Variants in SORCS3 observed in about 807,000 individuals in gnomAD.
SORCS3 encodes VPS10 domain-containing receptor SorCS3.
A neutral mutation model predicts 146.3 loss-of-function variants in SORCS3; 57 were observed. That is an observed-to-expected ratio of 0.39 (90% confidence interval 0.31 to 0.49). The LOEUF (loss-of-function observed/expected upper bound fraction) is 0.49, where lower values mean the gene tolerates loss of function less well. Among genes scored for constraint, SORCS3 ranks in the 20% least tolerant of loss-of-function variants. The pLI, the probability that SORCS3 is intolerant of heterozygous loss-of-function variation, is 0.92. For missense variants in SORCS3, 1,341 were observed against 1,575.5 expected, an observed-to-expected ratio of 0.85 and a Z score of 2.52; for synonymous variants, 653 against 618.5, an observed-to-expected ratio of 1.06 and a Z score of -0.83.
rs11340368 is a variant in SORCS3, at chr10:105,182,230, C to CTTTTTTTTTTTTTTTTTTTTT, written c.2009+4060_2009+4080dup. On this transcript the variant is annotated intron_variant, in intron 14 of 26. Transcript: ENST00000369701. ...CAGCCAACTTGTGACTATTCAGCAT[C>CTTTTTTTTTTTTTTTTTTTTT]TTTTTTTTTTTTTTTTTTTTTTTGT... is the stretch of plus-strand genomic sequence containing the variant. 9.6e-4 allele frequency among the ~76,000 whole-genome samples: 68 copies of CTTTTTTTTTTTTTTTTTTTTT among 70,470 alleles called. 6 individuals are homozygous for CTTTTTTTTTTTTTTTTTTTTT. The highest frequency in any genetic ancestry group is 1.7e-3 in the Admixed American group (9 of 5,218). The allele number at this position is 70,470 out of a possible 152,430, so 46.2% of individuals were successfully genotyped here. A position where few individuals can be genotyped will look rare whatever the true frequency, so the allele number is the denominator to read the frequency against.
chr10:105,209,604 A>G (rs2056622440), intron 16 of SORCS3, among the ~76,000 whole-genome samples: 1 of 152,200 alleles, frequency 6.6e-6, no homozygotes, highest in Non-Finnish European at 1.5e-5. Context: ...ATAGTTACCA[A>G]CAGGTTATGA....
At position 105,242,336 on chromosome 10, in the gene SORCS3, A is replaced by ATATATATATTTATACATATATT. The variant is rs1272627760; in HGVS notation, c.2869-3169_2869-3148dup. On this transcript the variant is annotated intron_variant, in intron 20 of 26. Coordinates refer to ENST00000369701, the MANE Select transcript of SORCS3 (RefSeq NM_014978.3). ...TATATATATATTTATACATATATTT[A>ATATATATATTTATACATATATT]TATATATATTTATACATATATTTAT... 2.7e-4 allele frequency among the ~76,000 whole-genome samples: 35 copies of ATATATATATTTATACATATATT among 127,936 alleles called. 1 individual carries two copies. The South Asian group carries it at 6.8e-3, about 25-fold the overall frequency. The allele number at this position is 127,936 out of a possible 152,430, so 83.9% of individuals were successfully genotyped here.
chr10:104,994,218 A>G (rs1282192977), intron 4 of SORCS3, among the ~76,000 whole-genome samples: 2 of 152,190 alleles, frequency 1.3e-5, no homozygotes, highest in African/African-American at 2.4e-5. Flanking sequence ...CAAATAAGTA[A>G]CTGATGGCAA....
intron 3 of SORCS3, among the ~76,000 whole-genome samples, chr10:104,961,134 G>T (rs923297183): frequency 1.3e-5 from 2 of 152,106 alleles, no homozygotes; most frequent in African/African-American, 4.8e-5. Context: ...TTTAGGCTTT[G>T]GAACAGTGAT....
intron 3 of SORCS3, among the ~76,000 whole-genome samples, chr10:104,975,510 CA>C (rs2054890285): frequency 6.6e-6 from 1 of 152,102 alleles, no homozygotes; most frequent in Non-Finnish European, 1.5e-5. Context: ...GAGTCAATGC[CA>C]TCCCCATCAA....
chr10:104,915,781 C>T (rs2019020501), intron 2 of SORCS3, 52 bp from the exon 3 acceptor site: 1 of 1,494,658 alleles, frequency 6.7e-7, no homozygotes, highest in East Asian at 2.3e-5. Flanking sequence ...TTAGACATAG[C>T]TGCCCATTGG....
chr10:104,672,995 T>TATATTGTC (rs1352064241), intron 1 of SORCS3, among the ~76,000 whole-genome samples: 1 of 152,202 alleles, frequency 6.6e-6, no homozygotes, highest in African/African-American at 2.4e-5. Context: ...TTTATTAATG[T>TATATTGTC]ATATTGTCCT....
At chr10:104,775,253 T>C (rs1484009417) in intron 1 of SORCS3, among the ~76,000 whole-genome samples, 1 of 152,234 alleles carries the variant, frequency 6.6e-6, no homozygotes, top group Admixed American at 6.5e-5. Context: ...CTGTATTTTA[T>C]AGGTGAAGGC....
At chr10:105,227,175 G>A (rs925446305) in intron 20 of SORCS3, among the ~76,000 whole-genome samples, 2 of 151,856 alleles carry the variant, frequency 1.3e-5, no homozygotes, top group Admixed American at 6.6e-5. Context: ...CTTTTCTGAT[G>A]TAGGTAATTA....
intron 3 of SORCS3, among the ~76,000 whole-genome samples, chr10:104,957,554 A>AAC (rs10660859): frequency 0.15 from 21,615 of 148,360 alleles, 1,712 homozygotes; most frequent in South Asian, 0.27. Flanking sequence ...AAGGAAAGAA[A>AAC]ACACACACAC....
At chr10:105,040,191 G>A (rs2133702351) in intron 4 of SORCS3, among the ~76,000 whole-genome samples, 1 of 152,150 alleles carries the variant, frequency 6.6e-6, no homozygotes, top group Middle Eastern at 3.4e-3. Flanking sequence ...AAAATATATG[G>A]ATATATTCTT....
chr10:105,255,580 A>G (rs1364952655), intron 23 of SORCS3, 122 bp from the exon 24 acceptor site: 3 of 661,708 alleles, frequency 4.5e-6, no homozygotes, highest in South Asian at 1.9e-5. Flanking sequence ...ATTTTTCACT[A>G]TCTTATCCCT....
intron 6 of SORCS3, among the ~76,000 whole-genome samples, chr10:105,101,674 C>T (rs950905442): frequency 1.3e-5 from 2 of 152,068 alleles, no homozygotes; most frequent in Non-Finnish European, 2.9e-5. Context: ...CTGGTGGCCT[C>T]GAATACACTT....
intron 5 of SORCS3, among the ~76,000 whole-genome samples, chr10:105,074,334 G>A (rs966281822): frequency 6.6e-6 from 1 of 152,148 alleles, no homozygotes; most frequent in Admixed American, 6.6e-5. Flanking sequence ...TTGATAAAAT[G>A]CAGACAAACA....
At chr10:105,158,790 G>T in intron 10 of SORCS3, 102 bp from the exon 11 acceptor site, 1 of 841,908 alleles carries the variant, frequency 1.2e-6, no homozygotes. Context: ...CCAATGCCTT[G>T]CTATTTCTGG....
intron 1 of SORCS3, among the ~76,000 whole-genome samples, chr10:104,668,169 G>A (rs144422475): frequency 5.3e-5 from 8 of 152,238 alleles, no homozygotes; most frequent in East Asian, 1.9e-4. Context: ...GTGTGTGCGC[G>A]CATGTGTGTG....
chr10:104,799,346 A>G (rs906193619), intron 1 of SORCS3, among the ~76,000 whole-genome samples: 2 of 152,164 alleles, frequency 1.3e-5, no homozygotes, highest in East Asian at 3.8e-4. Context: ...TATATACACC[A>G]TGGAATACTA....
chr10:104,879,119 T>C (rs1297330007), intron 2 of SORCS3, among the ~76,000 whole-genome samples: 1 of 152,238 alleles, frequency 6.6e-6, no homozygotes, highest in Non-Finnish European at 1.5e-5. Context: ...TAGTTTTCTA[T>C]TAAAACTATT....
chr10:104,722,872 C>T (rs1246446172), intron 1 of SORCS3, among the ~76,000 whole-genome samples: 1 of 151,626 alleles, frequency 6.6e-6, no homozygotes, highest in African/African-American at 2.4e-5. Flanking sequence ...TCTCTCTTTT[C>T]TTCTTTATTA....
Sources: gnomAD v4.1 joint callset for allele counts (sites outside exome capture counted in the v4.1 genomes callset) on GRCh38, gnomAD v4.1.1 for gene constraint, MANE v1.5 for transcripts, NCBI Gene and HGNC (gene_info 2026-07-23, HGNC 2026-07-21) for gene names.